Variants in FBXL7 observed in about 807,000 individuals in gnomAD.
FBXL7 encodes the protein F-box and leucine rich repeat protein 7.
In FBXL7, 12 loss-of-function variants were observed where a neutral mutation model predicts 38.3. The ratio of observed to expected loss-of-function variants is 0.31; its 90% confidence interval spans 0.20 to 0.51. The LOEUF (loss-of-function observed/expected upper bound fraction) is 0.51. Ranked by LOEUF, FBXL7 falls within the 20% of genes least tolerant of loss-of-function variation. The pLI, the probability that FBXL7 is intolerant of heterozygous loss-of-function variation, is 0.98. For missense variants in FBXL7, 567 were observed against 676.4 expected (o/e 0.84, Z 1.79); for synonymous variants, 297 against 300.9 (o/e 0.99, Z 0.13).
intron 2 of FBXL7, among the ~76,000 whole-genome samples, chr5:15,874,627 A>T (rs1032536084): frequency 6.6e-6 from 1 of 152,148 alleles, no homozygotes; most frequent in Non-Finnish European, 1.5e-5. Flanking sequence ...CCAATAATAG[A>T]CAAACAGCCA....
At chr5:15,618,808 C>T (rs1740532809) in intron 2 of FBXL7, among the ~76,000 whole-genome samples, 1 of 152,116 alleles carries the variant, frequency 6.6e-6, no homozygotes, top group South Asian at 2.1e-4. Context: ...CCTATCCCGA[C>T]GGGTCTATAG....
chr5:15,785,194 T>C (rs1737103181), intron 2 of FBXL7, among the ~76,000 whole-genome samples: 1 of 152,220 alleles, frequency 6.6e-6, no homozygotes, highest in Admixed American at 6.5e-5. Context: ...TATACATACA[T>C]TGCGTGCTCT....
At chr5:15,644,856 A>C (rs1417379594) in intron 2 of FBXL7, among the ~76,000 whole-genome samples, 1 of 152,184 alleles carries the variant, frequency 6.6e-6, no homozygotes, top group Admixed American at 6.5e-5. Flanking sequence ...CTGGTTGGTC[A>C]TAGTGCCTTC....
intron 2 of FBXL7, among the ~76,000 whole-genome samples, chr5:15,718,999 G>A (rs987751652): frequency 3.3e-5 from 5 of 152,192 alleles, no homozygotes; most frequent in Admixed American, 6.5e-5. Context: ...GGAATTATAA[G>A]CTCAGGGGAT....
intron 2 of FBXL7, among the ~76,000 whole-genome samples, chr5:15,873,331 C>T (rs1431377043): frequency 1.3e-5 from 2 of 151,798 alleles, no homozygotes; most frequent in Non-Finnish European, 2.9e-5. Context: ...AAATTGACAC[C>T]CTAACATCAC....
chr5:15,616,491 G>A (rs1028710881), intron 2 of FBXL7, among the ~76,000 whole-genome samples: 1 of 152,172 alleles, frequency 6.6e-6, no homozygotes, highest in Non-Finnish European at 1.5e-5. Context: ...TCATAGTCAT[G>A]TTATTTGTAG....
chr5:15,884,423 C>T (rs1332709554), intron 2 of FBXL7, among the ~76,000 whole-genome samples: 5 of 152,022 alleles, frequency 3.3e-5, no homozygotes, highest in Admixed American at 2.6e-4. Flanking sequence ...CCTGCTACCA[C>T]GCCCGGCTAA....
At chr5:15,732,903 T>C (rs1735629056) in intron 2 of FBXL7, among the ~76,000 whole-genome samples, 1 of 152,152 alleles carries the variant, frequency 6.6e-6, no homozygotes, top group African/African-American at 2.4e-5. Flanking sequence ...TTAGCTTCAC[T>C]ATTCATTTAG....
At chr5:15,927,070 A>G (rs1268387878) in intron 2 of FBXL7, among the ~76,000 whole-genome samples, 1 of 151,874 alleles carries the variant, frequency 6.6e-6, no homozygotes, top group East Asian at 1.9e-4. Context: ...CCCTACCGTA[A>G]TCCCCGTTCA....
chr5:15,750,402 G>A (rs1459440301), intron 2 of FBXL7, among the ~76,000 whole-genome samples: 2 of 152,156 alleles, frequency 1.3e-5, no homozygotes, highest in Non-Finnish European at 2.9e-5. Flanking sequence ...GAGGACATGT[G>A]CCTTCTTGTA....
intron 2 of FBXL7, among the ~76,000 whole-genome samples, chr5:15,790,751 G>C (rs185768682): frequency 6.6e-6 from 1 of 152,104 alleles, no homozygotes; most frequent in East Asian, 1.9e-4. Context: ...GATGGGCATC[G>C]GTCTTGTCTT....
Position 15,937,291 on chromosome 5 carries a change from C to G in FBXL7, c.*105C>G. ...CGACACCCACTCAAAACAGCTCTTT[C>G]TTCCGGGAAGGTTATTAGGAATCTG... On this transcript the variant is annotated 3_prime_UTR_variant, in exon 4 of 4. Transcript: ENST00000504595. 7.5e-7 allele frequency: 1 copy of G among 1,328,928 alleles called. No individual in the cohort carries two copies. The highest frequency in any genetic ancestry group is 1.6e-5 in the South Asian group (1 of 63,802). 82.3% of individuals were successfully genotyped at this position (1,328,928 alleles called of 1,614,324 possible).
intron 2 of FBXL7, among the ~76,000 whole-genome samples, chr5:15,725,737 A>G (rs1744327752): frequency 6.6e-6 from 1 of 152,098 alleles, no homozygotes; most frequent in Non-Finnish European, 1.5e-5. Flanking sequence ...CCCATGTTCA[A>G]GCAATTCTCT....
intron 1 of FBXL7, among the ~76,000 whole-genome samples, chr5:15,570,526 A>T (rs1738741518): frequency 6.6e-6 from 1 of 150,478 alleles, no homozygotes; most frequent in Non-Finnish European, 1.5e-5. Context: ...CTTTCTTCTT[A>T]TTGTTAGAAT....
At chr5:15,852,754 C>G (rs940361964) in intron 2 of FBXL7, among the ~76,000 whole-genome samples, 8 of 151,748 alleles carry the variant, frequency 5.3e-5, no homozygotes, top group Non-Finnish European at 7.4e-5. Flanking sequence ...GGAACTAAAC[C>G]TGGGTGTTTA....
At chr5:15,616,750 G>T (rs1379037315) in intron 2 of FBXL7, among the ~76,000 whole-genome samples, 1 of 152,196 alleles carries the variant, frequency 6.6e-6, no homozygotes, top group East Asian at 1.9e-4. Flanking sequence ...GTGGAAAGTT[G>T]ACCCAATTAT....
intron 2 of FBXL7, among the ~76,000 whole-genome samples, chr5:15,699,502 C>T (rs1375048463): frequency 6.6e-6 from 1 of 152,212 alleles, no homozygotes; most frequent in Non-Finnish European, 1.5e-5. Flanking sequence ...ATTAAAGGCC[C>T]ACCCTATCCC....
intron 3 of FBXL7, among the ~76,000 whole-genome samples, chr5:15,930,810 A>C (rs1742019284): frequency 6.6e-6 from 1 of 152,220 alleles, no homozygotes. Flanking sequence ...AAGACTCAAC[A>C]GGCCATGAGG....
chr5:15,782,163 A>G (rs1330095243), intron 2 of FBXL7, among the ~76,000 whole-genome samples: 1 of 151,938 alleles, frequency 6.6e-6, no homozygotes, highest in Non-Finnish European at 1.5e-5. Flanking sequence ...ACATGAACCT[A>G]TTTTTTATGG....
Sources: allele counts gnomAD v4.1 joint callset (sites outside exome capture counted in the v4.1 genomes callset), GRCh38; gene constraint gnomAD v4.1.1; transcripts MANE v1.5; gene names NCBI Gene and HGNC (gene_info 2026-07-23, HGNC 2026-07-21).